Variants in UBL3 observed in about 807,000 individuals in gnomAD.
UBL3 encodes ubiquitin-like protein 3.
Under a neutral mutation model 18.4 loss-of-function variants are expected in UBL3, and 6 were observed. The observed-to-expected ratio is 0.33, with a 90% CI of 0.18 to 0.64. UBL3 has a LOEUF of 0.64. UBL3 is among the 30% of genes least tolerant of loss of function. The pLI is 0.76. For synonymous variants in UBL3, 49 were observed against 46.6 expected (o/e 1.05, Z -0.21); for missense variants, 109 against 142.9 (o/e 0.76, Z 1.21).
chr13:29,818,834 C>A (rs1425454473), intron 1 of UBL3, among the ~76,000 whole-genome samples: 2 of 152,146 alleles, frequency 1.3e-5, no homozygotes, highest in East Asian at 1.9e-4. Flanking sequence ...AAGACAAAAA[C>A]CACTTTAACA....
intron 3 of UBL3, among the ~76,000 whole-genome samples, chr13:29,770,182 A>G (rs1409151157): frequency 6.6e-6 from 1 of 152,112 alleles, no homozygotes; most frequent in Non-Finnish European, 1.5e-5. Flanking sequence ...CCTGTGTGCT[A>G]TCTTCTTTAT....
At chr13:29,842,718 C>A (rs769617979) in intron 1 of UBL3, among the ~76,000 whole-genome samples, 2 of 151,902 alleles carry the variant, frequency 1.3e-5, no homozygotes, top group Non-Finnish European at 2.9e-5. Context: ...CTCTCCTCTA[C>A]GAGCTCAAAG....
chr13:29,767,275 T>A lies in UBL3; in HGVS notation c.334A>T (p.Asn112Tyr), dbSNP rs768651737. 5 of 1,613,058 alleles carry A rather than the reference T, an allele frequency of 3.1e-6. No individual in the cohort carries two copies. The highest frequency in any genetic ancestry group is 1.7e-5 in the Admixed American group (1 of 59,908). Reference protein sequence around the residue: ...QRNREKTGESNCCVIL With the variant: ...QRNREKTGESYCCVIL The stretch of plus-strand genomic sequence containing the variant: ...AGTGTTTACAGGATTACACAACAAT[T>A]ACTCTCTCCAGTCTTCTCACGATTC... Residue 112 changes from asparagine to tyrosine, a missense_variant, in exon 5 of 5, where the codon AAT becomes TAT. Asn to Tyr is a moderately radical substitution (Grantham distance 143, BLOSUM62 -2). Coordinates refer to ENST00000380680, the MANE Select transcript of UBL3 (RefSeq NM_007106.4).
intron 1 of UBL3, among the ~76,000 whole-genome samples, chr13:29,820,275 C>G (rs774004011): frequency 2.0e-5 from 3 of 147,870 alleles, no homozygotes; most frequent in Non-Finnish European, 4.4e-5. Context: ...CTCCCAGGTT[C>G]AAGCAATTCT....
At chr13:29,768,123 TG>T (rs1876741806) in intron 3 of UBL3, among the ~76,000 whole-genome samples, 1 of 152,106 alleles carries the variant, frequency 6.6e-6, no homozygotes, top group African/African-American at 2.4e-5. Flanking sequence ...GCTACTATGA[TG>T]TAGAAATGCA....
At chr13:29,836,351 T>TAAAC (rs145326255) in intron 1 of UBL3, among the ~76,000 whole-genome samples, 14,629 of 150,166 alleles carry the variant, frequency 0.097, 847 homozygotes, top group African/African-American at 0.15. Context: ...CAAAAATAAA[T>TAAAC]AAATAAACAA....
At chr13:29,821,138 G>A (rs1207125370) in intron 1 of UBL3, among the ~76,000 whole-genome samples, 1 of 152,148 alleles carries the variant, frequency 6.6e-6, no homozygotes, top group Non-Finnish European at 1.5e-5. Flanking sequence ...ATAGATGCCA[G>A]CAACTGGTAT....
At chr13:29,807,573 A>G (rs1411409923) in intron 1 of UBL3, among the ~76,000 whole-genome samples, 1 of 152,178 alleles carries the variant, frequency 6.6e-6, no homozygotes, top group East Asian at 1.9e-4. Flanking sequence ...TTTATTCAGT[A>G]GTTATTATTA....
intron 1 of UBL3, among the ~76,000 whole-genome samples, chr13:29,818,744 A>ATTTTTAGTTTTTT (rs2139347290): frequency 6.6e-6 from 1 of 152,320 alleles, no homozygotes; most frequent in South Asian, 2.1e-4. Context: ...AAGACTAAAA[A>ATTTTTAGTTTTTT]ACCCAGAACT....
At position 29,767,110 on chromosome 13, in the gene UBL3, A is replaced by G. The variant is rs148868118; in HGVS notation, c.*145T>C. 219 of 659,540 alleles carry G rather than the reference A, an allele frequency of 3.3e-4. 1 individual carries two copies. The African/African-American group carries it at 3.7e-3, about 11-fold the overall frequency. The allele number at this position is 659,540 out of a possible 1,614,324, so 40.9% of individuals were successfully genotyped here. On this transcript the variant is annotated 3_prime_UTR_variant, in exon 5 of 5. Transcript: ENST00000380680. Reference sequence around the variant, plus strand: ...TTGGTTCTTTTTACTTTCATGAGAAAAGATGACAGTGTTCATGTGGTAATT... The same window carrying G: ...TTGGTTCTTTTTACTTTCATGAGAAGAGATGACAGTGTTCATGTGGTAATT...
rs148042216 is a variant in UBL3, at chr13:29,767,924, A to G, written c.224-229T>C. ...AGCCATTTGCTTGACACATTTATCC[A>G]TATTAAGAGATGATATAAGAAAAAA... On this transcript the variant is annotated intron_variant, in intron 3 of 4. Transcript: ENST00000380680. 4.8e-3 allele frequency among the ~76,000 whole-genome samples: 731 copies of G among 152,210 alleles called. 6 individuals carry two copies. Among genetic ancestry groups the G allele is most frequent in the African/African-American group, 0.017 (703 of 41,556 alleles).
intron 1 of UBL3, among the ~76,000 whole-genome samples, chr13:29,835,753 CAAAAAAAAAAAAAA>C (rs34271187): frequency 2.7e-5 from 1 of 37,040 alleles, no homozygotes; most frequent in East Asian, 8.3e-4. Context: ...GACGCTGTCT[CAAAAAAAAAAAAAA>C]AAAAAAAAAA....
intron 1 of UBL3, among the ~76,000 whole-genome samples, chr13:29,792,756 T>A (rs1277796150): frequency 1.3e-5 from 2 of 152,244 alleles, no homozygotes; most frequent in Admixed American, 1.3e-4. Flanking sequence ...AATTTTAAAA[T>A]GCTAATACAT....
chr13:29,825,366 C>T (rs1201490775), intron 1 of UBL3, among the ~76,000 whole-genome samples: 2 of 152,190 alleles, frequency 1.3e-5, no homozygotes, highest in East Asian at 1.9e-4. Flanking sequence ...CTTGTGTCCT[C>T]TTTTATTTCG....
chr13:29,767,130 G>T lies in UBL3; in HGVS notation c.*125C>A. On this transcript the variant is annotated 3_prime_UTR_variant, in exon 5 of 5. Coordinates refer to ENST00000380680, the MANE Select transcript of UBL3 (RefSeq NM_007106.4). Reference sequence around the variant, plus strand: ...GAGAAAAGATGACAGTGTTCATGTGGTAATTCAGTTCCATGTGTTTACAGG... The same window carrying T: ...GAGAAAAGATGACAGTGTTCATGTGTTAATTCAGTTCCATGTGTTTACAGG... 1 of 840,106 alleles carries T rather than the reference G, an allele frequency of 1.2e-6. No homozygotes were observed. The highest frequency in any genetic ancestry group is 1.8e-6 in the Non-Finnish European group (1 of 543,250). The allele number at this position is 840,106 out of a possible 1,614,324, so 52.0% of individuals were successfully genotyped here.
intron 1 of UBL3, among the ~76,000 whole-genome samples, chr13:29,794,512 C>T (rs1877561613): frequency 6.6e-6 from 1 of 152,180 alleles, no homozygotes; most frequent in Non-Finnish European, 1.5e-5. Context: ...ATATAAAGAA[C>T]ATGGCTGGTA....
At chr13:29,834,954 A>C (rs1878878969) in intron 1 of UBL3, among the ~76,000 whole-genome samples, 1 of 151,110 alleles carries the variant, frequency 6.6e-6, no homozygotes, top group Non-Finnish European at 1.5e-5. Flanking sequence ...AATTTGTTTC[A>C]AGTAATAAGC....
intron 1 of UBL3, among the ~76,000 whole-genome samples, chr13:29,797,611 G>A (rs1329674929): frequency 6.6e-6 from 1 of 152,046 alleles, no homozygotes; most frequent in East Asian, 1.9e-4. Flanking sequence ...CATTTGGGAG[G>A]CACATTACGT....
intron 1 of UBL3, among the ~76,000 whole-genome samples, chr13:29,842,396 T>A (rs978579472): frequency 6.6e-6 from 1 of 152,054 alleles, no homozygotes; most frequent in Non-Finnish European, 1.5e-5. Context: ...TGACCTCAAG[T>A]GATCCACCCA....
Sources: gnomAD v4.1 joint callset for allele counts (sites outside exome capture counted in the v4.1 genomes callset) on GRCh38, gnomAD v4.1.1 for gene constraint, MANE v1.5 for transcripts, NCBI Gene and HGNC (gene_info 2026-07-23, HGNC 2026-07-21) for gene names.